Variants in ZYG11A observed in about 807,000 individuals in gnomAD.
ZYG11A encodes protein zyg-11 homolog A.
A neutral mutation model predicts 77.2 loss-of-function variants in ZYG11A; 62 were observed. That is an observed-to-expected ratio of 0.80 (90% CI 0.65 to 0.99). The LOEUF (loss-of-function observed/expected upper bound fraction) is 0.99, where lower values mean the gene tolerates loss of function less well. Among genes scored for constraint, ZYG11A ranks in the 50% least tolerant of loss-of-function variants. ZYG11A has a pLI of 0.00. For synonymous variants in ZYG11A, 315 were observed against 324.6 expected (o/e 0.97, Z 0.32); for missense variants, 828 against 896.8 (o/e 0.92, Z 0.98).
At chr1:52,867,476 T>A (rs923718273) in intron 6 of ZYG11A, 63 bp from the exon 7 acceptor site, 2 of 1,086,864 alleles carry the variant, frequency 1.8e-6, no homozygotes, top group Non-Finnish European at 2.7e-6. Flanking sequence ...GCCAAATGAT[T>A]TCTTCTGTGT....
Position 52,860,835 on chromosome 1 carries a change from A to G in ZYG11A, c.1113A>G (p.Thr371=). 3 of 1,551,756 alleles carry G rather than the reference A, an allele frequency of 1.9e-6. No individual in the cohort carries two copies. The highest frequency in any genetic ancestry group is 1.7e-4 in the Middle Eastern group (1 of 5,992). The change falls in exon 4 of 14, where the codon ACA becomes ACG. Residue 371 remains threonine (T), a synonymous_variant. Coordinates refer to ENST00000371528, the MANE Select transcript of ZYG11A (RefSeq NM_001004339.3). The stretch of plus-strand genomic sequence containing the variant: ...CCCTCCACAGGCTGTTCACAGAGAC[A>G]TTTTCAATGGAGGTAACCATGCCTG... ...KEALHRLFTE[T]FSMEVTMPAI...
chr1:52,852,194 G>A (rs1368646893), intron 1 of ZYG11A, among the ~76,000 whole-genome samples: 2 of 151,712 alleles, frequency 1.3e-5, no homozygotes, highest in African/African-American at 2.4e-5. Context: ...GATTACAGGC[G>A]TGAGCCACCG....
At chr1:52,877,502 CA>C (rs1421411957) in intron 8 of ZYG11A, among the ~76,000 whole-genome samples, 179 bp from the exon 9 acceptor site, 1 of 152,076 alleles carries the variant, frequency 6.6e-6, no homozygotes, top group Middle Eastern at 3.2e-3. Context: ...TTAATCCTCA[CA>C]AAAACTGTAA....
chr1:52,850,991 T>C lies in ZYG11A; in HGVS notation c.91-3474T>C, dbSNP rs187213958. Among the ~76,000 whole-genome samples, 4 of 152,320 alleles carry C rather than the reference T, an allele frequency of 2.6e-5. No homozygotes were observed. The East Asian group carries it at 7.7e-4, about 29-fold the overall frequency. On this transcript the variant is annotated intron_variant, in intron 1 of 13. Transcript: ENST00000371528. The stretch of plus-strand genomic sequence containing the variant: ...TGATATTTTATTGTAAGCTGAACTT[T>C]ATGGATGCTACTTTGAGTGTCTATA...
Position 52,857,552 on chromosome 1 carries a change from T to G in ZYG11A, c.811T>G (p.Ser271Ala), listed in dbSNP as rs945733014. The change falls in exon 3 of 14, where the codon TCA becomes GCA. Residue 271 changes from serine to alanine, a missense_variant. Ser to Ala is a moderately conservative substitution (Grantham distance 99). Coordinates refer to ENST00000371528, the MANE Select transcript of ZYG11A (RefSeq NM_001004339.3). Reference sequence around the variant, plus strand: ...TATTTCTGATCACAGGCAACTCAAATCAGACCTAGCTTTTCATTTGCTACA... The same window carrying G: ...TATTTCTGATCACAGGCAACTCAAAGCAGACCTAGCTTTTCATTTGCTACA... Reference protein sequence around the residue: ...LDISDHRQLKSDLAFHLLQQK... With the variant: ...LDISDHRQLKADLAFHLLQQK... 3 of 1,552,104 alleles carry G rather than the reference T, an allele frequency of 1.9e-6. No homozygotes were observed. In the East Asian group the frequency reaches 7.3e-5, roughly 38 times the overall value.
intron 1 of ZYG11A, among the ~76,000 whole-genome samples, chr1:52,844,098 C>T (rs920151862): frequency 4.6e-5 from 7 of 152,146 alleles, no homozygotes; most frequent in African/African-American, 1.2e-4. Flanking sequence ...TTGACTTGCT[C>T]GTGAACTTGA....
chr1:52,889,266 C>T (rs1646499328), intron 13 of ZYG11A, among the ~76,000 whole-genome samples: 1 of 152,232 alleles, frequency 6.6e-6, no homozygotes, highest in Admixed American at 6.5e-5. Context: ...TCCCAAATAG[C>T]TGGGACTATG....
At chr1:52,856,457 A>C (rs1185046952) in intron 2 of ZYG11A, among the ~76,000 whole-genome samples, 1 of 4,506 alleles carries the variant, frequency 2.2e-4, no homozygotes, top group Non-Finnish European at 4.5e-4. Flanking sequence ...CTCCATCTCA[A>C]AAAAAAAAAA....
Position 52,866,471 on chromosome 1 carries a change from G to T in ZYG11A, c.1327-32G>T, listed in dbSNP as rs991551859. 3 of 1,235,108 alleles carry T rather than the reference G, an allele frequency of 2.4e-6. No individual in the cohort carries two copies. In the Admixed American group the frequency reaches 6.1e-5, roughly 25 times the overall value. The allele number at this position is 1,235,108 out of a possible 1,614,324, so 76.5% of individuals were successfully genotyped here. ...TTGTTTAGAATGGAATGTTACATTT[G>T]TTCAAAATTATTTTTCTTTATTCTC... On this transcript the variant is annotated intron_variant, in intron 5 of 13. Transcript: ENST00000371528.
At chr1:52,873,404 G>T (rs1646205012) in intron 8 of ZYG11A, among the ~76,000 whole-genome samples, 1 of 152,178 alleles carries the variant, frequency 6.6e-6, no homozygotes, top group African/African-American at 2.4e-5. Flanking sequence ...AACCCTTGTG[G>T]ATAACTTCGA....
intron 10 of ZYG11A, among the ~76,000 whole-genome samples, chr1:52,878,464 A>G (rs1646300888): frequency 1.3e-5 from 2 of 152,306 alleles, no homozygotes; most frequent in Non-Finnish European, 1.5e-5. Context: ...TCACCTTGCT[A>G]ATGTTTCATA....
chr1:52,884,904 C>CT (rs61024787), intron 11 of ZYG11A, among the ~76,000 whole-genome samples: 79 of 145,880 alleles, frequency 5.4e-4, no homozygotes, highest in Middle Eastern at 3.5e-3. Flanking sequence ...CTTTTTCTTT[C>CT]TTTTTTTTTT....
chr1:52,883,738 T>C (rs535752038), intron 11 of ZYG11A, among the ~76,000 whole-genome samples: 1 of 152,026 alleles, frequency 6.6e-6, no homozygotes, highest in African/African-American at 2.4e-5. Flanking sequence ...AATTTTTAAG[T>C]TTTCCTGTTC....
At chr1:52,892,226 A>G (rs1455777112) in intron 13 of ZYG11A, among the ~76,000 whole-genome samples, 5 of 138,040 alleles carry the variant, frequency 3.6e-5, no homozygotes, top group African/African-American at 5.4e-5. Flanking sequence ...ACATCATTTA[A>G]CTAGGATTAA....
intron 1 of ZYG11A, among the ~76,000 whole-genome samples, chr1:52,846,684 A>G (rs887880140): frequency 1.3e-5 from 2 of 151,814 alleles, no homozygotes; most frequent in African/African-American, 4.8e-5. Context: ...ACATGCTCTG[A>G]GTTTTTAATT....
intron 3 of ZYG11A, among the ~76,000 whole-genome samples, chr1:52,859,613 G>A (rs983340073): frequency 4.0e-5 from 6 of 148,370 alleles, no homozygotes; most frequent in East Asian, 2.0e-4. Flanking sequence ...AGGATTACAG[G>A]TGTGAGCCAC....
At chr1:52,851,710 TTTA>T (rs1412558889) in intron 1 of ZYG11A, among the ~76,000 whole-genome samples, 1 of 151,478 alleles carries the variant, frequency 6.6e-6, no homozygotes, top group Admixed American at 6.6e-5. Context: ...CACAGTTTAT[TTTA>T]TTATTTATTT....
intron 1 of ZYG11A, among the ~76,000 whole-genome samples, chr1:52,853,840 A>T (rs1486600932): frequency 1.3e-5 from 2 of 152,184 alleles, no homozygotes; most frequent in Non-Finnish European, 2.9e-5. Flanking sequence ...GGGGAAGTCA[A>T]AGTTGCATTC....
intron 8 of ZYG11A, among the ~76,000 whole-genome samples, chr1:52,869,917 C>T (rs1220294232): frequency 6.8e-6 from 1 of 147,760 alleles, no homozygotes; most frequent in Non-Finnish European, 1.5e-5. Flanking sequence ...GGCTGACCCC[C>T]CCCACACCTC....
Sources: gnomAD v4.1 joint callset for allele counts (sites outside exome capture counted in the v4.1 genomes callset) on GRCh38, gnomAD v4.1.1 for gene constraint, MANE v1.5 for transcripts, NCBI Gene and HGNC (gene_info 2026-07-23, HGNC 2026-07-21) for gene names.